Variants in CADM2 observed in about 807,000 individuals in gnomAD.
The protein encoded by CADM2 is immunoglobulin superfamily member 4D.
CADM2 carries 12 observed loss-of-function variants against 49.8 expected under a neutral mutation model. The ratio of observed to expected loss-of-function variants is 0.24; its 90% CI spans 0.15 to 0.39. CADM2 has a LOEUF of 0.39. Ranked by LOEUF, CADM2 falls within the 10% of genes least tolerant of loss-of-function variation. The probability of loss-of-function intolerance (pLI) is 1.00; values close to 1 mark genes in which losing one functional copy is unlikely to be tolerated. For missense variants in CADM2, 378 were observed against 492.3 expected, an observed-to-expected ratio of 0.77 and a Z score of 2.20; for synonymous variants, 214 against 175.4, an observed-to-expected ratio of 1.22 and a Z score of -1.74.
intron 8 of CADM2, among the ~76,000 whole-genome samples, chr3:86,050,435 CT>C (rs1385756792): frequency 6.6e-6 from 1 of 152,146 alleles, no homozygotes; most frequent in African/African-American, 2.4e-5. Flanking sequence ...ATCTACCATT[CT>C]GGGATCTGGA....
intron 1 of CADM2, among the ~76,000 whole-genome samples, chr3:85,718,491 A>G (rs570747992): frequency 6.6e-6 from 1 of 152,294 alleles, no homozygotes; most frequent in South Asian, 2.1e-4. Context: ...CTTTGTAACT[A>G]TTGGGACAAA....
At chr3:85,682,018 G>T (rs200327299) in intron 1 of CADM2, among the ~76,000 whole-genome samples, 2 of 152,094 alleles carry the variant, frequency 1.3e-5, no homozygotes, top group African/African-American at 4.8e-5. Context: ...ATGAAAGAAA[G>T]AATGCACTTT....
chr3:85,334,754 TGA>T (rs1287618401), intron 1 of CADM2, among the ~76,000 whole-genome samples: 1 of 151,568 alleles, frequency 6.6e-6, no homozygotes, highest in African/African-American at 2.4e-5. Context: ...TCATTTTTCT[TGA>T]ATTTTGATTA....
intron 2 of CADM2, among the ~76,000 whole-genome samples, chr3:85,748,573 T>A (rs1440396532): frequency 6.6e-6 from 1 of 152,042 alleles, no homozygotes; most frequent in Non-Finnish European, 1.5e-5. Flanking sequence ...GGAAGAGAGA[T>A]TGTGTTAGTC....
At chr3:85,808,779 T>A (rs1402588874) in intron 3 of CADM2, among the ~76,000 whole-genome samples, 1 of 152,202 alleles carries the variant, frequency 6.6e-6, no homozygotes, top group Non-Finnish European at 1.5e-5. Context: ...ATTAAAGACA[T>A]AGCTTTAAAT....
rs142999555 is a variant in CADM2, at chr3:85,073,876, T to C, written c.61+114208T>C. On this transcript the variant is annotated intron_variant, in intron 1 of 9. Coordinates refer to ENST00000383699, the MANE Select transcript of CADM2 (RefSeq NM_001167675.2). ...TCAAAAAGTTAACAGTTGAGAAAGA[T>C]TCACATACCCAAGATGTTTGCAAAT... Among the ~76,000 whole-genome samples, 28 of 152,284 alleles carry C rather than the reference T, an allele frequency of 1.8e-4. No individual in the cohort carries two copies. In the East Asian group the frequency reaches 5.0e-3, roughly 27 times the overall value.
intron 3 of CADM2, among the ~76,000 whole-genome samples, chr3:85,850,351 G>A (rs1300175852): frequency 1.7e-5 from 2 of 119,934 alleles, no homozygotes; most frequent in Non-Finnish European, 3.2e-5. Flanking sequence ...TTGAGACAGA[G>A]TCTCGCTCCG....
intron 5 of CADM2, among the ~76,000 whole-genome samples, chr3:85,908,703 A>G (rs1717145348): frequency 6.7e-6 from 1 of 149,688 alleles, no homozygotes; most frequent in African/African-American, 2.5e-5. Context: ...CTCAATTGTA[A>G]TTATTATAAT....
intron 1 of CADM2, among the ~76,000 whole-genome samples, chr3:85,537,149 A>G (rs1366939729): frequency 6.6e-6 from 1 of 152,108 alleles, no homozygotes; most frequent in Non-Finnish European, 1.5e-5. Flanking sequence ...GAAACAGTAT[A>G]CTTAGTTCTC....
rs747906551 is a variant in CADM2, at chr3:85,883,322, C to T, written c.270C>T (p.Arg90=). Residue 90 remains arginine, a synonymous_variant, in exon 4 of 10, where the codon CGC becomes CGT. Transcript: ENST00000383699. ...GGGACAATAGGATCGAGCTGGTTCG[C>T]GCTTCCTGGCATGAATTGAGTATTA... The part of the protein sequence containing the change: ...ALRDNRIELV[R]ASWHELSISV... 19 of 1,613,340 alleles carry T rather than the reference C, an allele frequency of 1.2e-5. No homozygotes were observed. Among genetic ancestry groups the T allele is most frequent in the Admixed American group, 3.3e-5 (2 of 59,978 alleles).
At chr3:85,152,309 TGGGCCAGTA>T (rs2039948252) in intron 1 of CADM2, among the ~76,000 whole-genome samples, 1 of 152,142 alleles carries the variant, frequency 6.6e-6, no homozygotes. Flanking sequence ...GTGAGTGTAC[TGGGCCAGTA>T]GGTGCCTTCG....
chr3:85,650,708 A>T (rs565387289), intron 1 of CADM2, among the ~76,000 whole-genome samples: 1 of 151,856 alleles, frequency 6.6e-6, no homozygotes, highest in East Asian at 1.9e-4. Context: ...CCTCCAGGTG[A>T]TTATGTTGAA....
intron 1 of CADM2, among the ~76,000 whole-genome samples, chr3:85,324,879 A>G (rs2044706594): frequency 6.6e-6 from 1 of 152,196 alleles, no homozygotes; most frequent in African/African-American, 2.4e-5. Context: ...GCAGTGTCAT[A>G]GTCTCATTCT....
chr3:85,479,946 T>C (rs1290234057), intron 1 of CADM2, among the ~76,000 whole-genome samples: 1 of 151,968 alleles, frequency 6.6e-6, no homozygotes, highest in East Asian at 1.9e-4. Flanking sequence ...GTTTACCACG[T>C]AACTTTCTGG....
chr3:85,903,195 T>G (rs1008964771), intron 5 of CADM2, among the ~76,000 whole-genome samples: 8 of 152,134 alleles, frequency 5.3e-5, no homozygotes, highest in African/African-American at 1.9e-4. Flanking sequence ...TTAATTTTGT[T>G]TCCCTGAATA....
chr3:85,733,016 G>C (rs1035572908), intron 2 of CADM2, among the ~76,000 whole-genome samples: 1 of 152,154 alleles, frequency 6.6e-6, no homozygotes, highest in Non-Finnish European at 1.5e-5. Context: ...GGATAATATA[G>C]CCTGATGAGT....
Position 85,363,778 on chromosome 3 carries a change from A to AT in CADM2, c.62-362738dup, listed in dbSNP as rs2032536665. ...AGGCGCCCGCCACCGCGCCCGGCTA[A>AT]TTTTTTGTATTTTCAGTAGAGACGA... On this transcript the variant is annotated intron_variant, in intron 1 of 9. Transcript: ENST00000383699. Among the ~76,000 whole-genome samples the AT allele has an allele frequency of 2.0e-5, 3 of 149,558 alleles. No individual in the cohort carries two copies. The South Asian group carries it at 6.4e-4, about 32-fold the overall frequency.
At chr3:85,294,993 G>C (rs1269378679) in intron 1 of CADM2, among the ~76,000 whole-genome samples, 1 of 152,020 alleles carries the variant, frequency 6.6e-6, no homozygotes, top group South Asian at 2.1e-4. Flanking sequence ...TACCATCAGA[G>C]TGAACAGGCA....
intron 2 of CADM2, among the ~76,000 whole-genome samples, chr3:85,748,833 T>G (rs1025737218): frequency 1.3e-5 from 2 of 152,140 alleles, no homozygotes; most frequent in African/African-American, 4.8e-5. Flanking sequence ...TCTGTAAGTA[T>G]TCAATGTTGT....
Sources: gnomAD v4.1 joint callset for allele counts (sites outside exome capture counted in the v4.1 genomes callset) on GRCh38, gnomAD v4.1.1 for gene constraint, MANE v1.5 for transcripts, NCBI Gene and HGNC (gene_info 2026-07-23, HGNC 2026-07-21) for gene names.